Variants in DPP10 observed in about 807,000 individuals in gnomAD.
The protein encoded by DPP10 is inactive dipeptidyl peptidase 10.
In DPP10, 33 loss-of-function variants were observed where a neutral mutation model predicts 120.9. The ratio of observed to expected loss-of-function variants is 0.27; its 90% CI spans 0.21 to 0.37. The LOEUF (loss-of-function observed/expected upper bound fraction) is 0.37. Ranked by LOEUF, DPP10 falls within the 10% of genes least tolerant of loss-of-function variation. The pLI is 1.00. For missense variants in DPP10, 816 were observed against 942.8 expected, an observed-to-expected ratio of 0.87 and a Z score of 1.76; for synonymous variants, 337 against 326.1, an observed-to-expected ratio of 1.03 and a Z score of -0.36.
At chr2:115,741,660 T>C (rs563400363) in intron 9 of DPP10, among the ~76,000 whole-genome samples, 35 of 152,166 alleles carry the variant, frequency 2.3e-4, no homozygotes, top group Non-Finnish European at 4.7e-4. Flanking sequence ...CACATCTGAC[T>C]GCTCAACGCA....
At chr2:114,639,118 G>A (rs1338520144) in intron 1 of DPP10, among the ~76,000 whole-genome samples, 1 of 151,852 alleles carries the variant, frequency 6.6e-6, no homozygotes, top group African/African-American at 2.4e-5. Flanking sequence ...ATAAGACTGG[G>A]TAATTTATAA....
At chr2:115,067,241 T>G (rs72949714) in intron 1 of DPP10, among the ~76,000 whole-genome samples, 25,129 of 151,902 alleles carry the variant, frequency 0.17, 2,394 homozygotes, top group African/African-American at 0.27. Flanking sequence ...ATGTCCTTTT[T>G]TTTGTTTGTT....
At chr2:114,447,273 G>T (rs960186321) in intron 1 of DPP10, among the ~76,000 whole-genome samples, 8 of 152,016 alleles carry the variant, frequency 5.3e-5, no homozygotes, top group Admixed American at 4.6e-4. Flanking sequence ...GGGATTACAG[G>T]CATGAGCCAC....
intron 1 of DPP10, among the ~76,000 whole-genome samples, chr2:114,614,251 C>A (rs1693513199): frequency 6.6e-6 from 1 of 152,142 alleles, no homozygotes; most frequent in Non-Finnish European, 1.5e-5. Context: ...TTCAAAATCT[C>A]ATTTATGCAT....
At chr2:115,401,358 T>A (rs1353525351) in intron 3 of DPP10, among the ~76,000 whole-genome samples, 1 of 152,108 alleles carries the variant, frequency 6.6e-6, no homozygotes, top group Non-Finnish European at 1.5e-5. Flanking sequence ...ACTGGGAGGA[T>A]CATTTGAGGC....
chr2:115,794,071 G>A (rs1684277663), intron 19 of DPP10, among the ~76,000 whole-genome samples: 1 of 152,050 alleles, frequency 6.6e-6, no homozygotes. Context: ...CATTCTAAAA[G>A]TAATAATAAT....
chr2:114,599,824 T>C (rs1407986856), intron 1 of DPP10, among the ~76,000 whole-genome samples: 1 of 151,790 alleles, frequency 6.6e-6, no homozygotes, highest in Non-Finnish European at 1.5e-5. Flanking sequence ...CGGGTATTCA[T>C]ATAGATTTAA....
At chr2:114,860,543 T>A (rs1330441013) in intron 1 of DPP10, among the ~76,000 whole-genome samples, 1 of 152,226 alleles carries the variant, frequency 6.6e-6, no homozygotes, top group Non-Finnish European at 1.5e-5. Flanking sequence ...CATTTTTGTA[T>A]AAGCATATAT....
At chr2:115,090,323 T>G (rs1559082234) in intron 1 of DPP10, among the ~76,000 whole-genome samples, 1 of 152,160 alleles carries the variant, frequency 6.6e-6, no homozygotes, top group Non-Finnish European at 1.5e-5. Context: ...TGGGTATTCT[T>G]CTGGTTTCTT....
intron 1 of DPP10, among the ~76,000 whole-genome samples, chr2:114,646,614 G>A (rs545125483): frequency 6.6e-6 from 1 of 152,158 alleles, no homozygotes; most frequent in African/African-American, 2.4e-5. Flanking sequence ...CTTTCAAAAG[G>A]GACAAATGAA....
intron 1 of DPP10, among the ~76,000 whole-genome samples, chr2:114,995,345 C>G (rs1037584155): frequency 6.6e-6 from 1 of 152,192 alleles, no homozygotes; most frequent in East Asian, 1.9e-4. Flanking sequence ...AAGTCTCTTT[C>G]CCCCATTCCT....
At chr2:114,995,656 T>C (rs1371493719) in intron 1 of DPP10, among the ~76,000 whole-genome samples, 3 of 152,152 alleles carry the variant, frequency 2.0e-5, no homozygotes, top group African/African-American at 7.2e-5. Flanking sequence ...TGCACTTTTC[T>C]AAAATTGGTT....
intron 2 of DPP10, among the ~76,000 whole-genome samples, chr2:115,322,997 G>A (rs1574419321): frequency 6.6e-6 from 1 of 152,166 alleles, no homozygotes; most frequent in Non-Finnish European, 1.5e-5. Flanking sequence ...CTGAAGGTGG[G>A]TGTGGCTGTG....
intron 3 of DPP10, among the ~76,000 whole-genome samples, chr2:115,354,214 G>C (rs1357817857): frequency 6.6e-6 from 1 of 152,064 alleles, no homozygotes; most frequent in Non-Finnish European, 1.5e-5. Flanking sequence ...GGTATACCAG[G>C]TTGTTACCTG....
chr2:115,749,215 T>G (rs1678397038), intron 10 of DPP10, among the ~76,000 whole-genome samples: 1 of 152,204 alleles, frequency 6.6e-6, no homozygotes, highest in South Asian at 2.1e-4. Flanking sequence ...TATATTTACT[T>G]TCCAGGGAAA....
At chr2:115,836,865 C>A in intron 24 of DPP10, 119 bp downstream of exon 24, 1 of 811,158 alleles carries the variant, frequency 1.2e-6, no homozygotes, top group Non-Finnish European at 1.9e-6. Context: ...CAGAGAGTCA[C>A]ACAAAGAATC....
chr2:114,885,027 C>T (rs1303050920), intron 1 of DPP10, among the ~76,000 whole-genome samples: 5 of 152,188 alleles, frequency 3.3e-5, no homozygotes, highest in Non-Finnish European at 7.3e-5. Context: ...ATCAACAAAA[C>T]GTATATTCCC....
chr2:114,528,191 C>A (rs1399706763), intron 1 of DPP10, among the ~76,000 whole-genome samples: 2 of 152,174 alleles, frequency 1.3e-5, no homozygotes, highest in African/African-American at 4.8e-5. Context: ...CTGCAAGAAG[C>A]TGTGGTTACA....
intron 5 of DPP10, among the ~76,000 whole-genome samples, chr2:115,531,046 T>G (rs913049665): frequency 6.6e-6 from 1 of 152,160 alleles, no homozygotes; most frequent in African/African-American, 2.4e-5. Flanking sequence ...ACACGCTTAA[T>G]CCTTATATCT....
Sources: allele counts gnomAD v4.1 joint callset (sites outside exome capture counted in the v4.1 genomes callset), GRCh38; gene constraint gnomAD v4.1.1; transcripts MANE v1.5; gene names NCBI Gene and HGNC (gene_info 2026-07-23, HGNC 2026-07-21).